ABR: variants seen among roughly 807,000 people sequenced by gnomAD.
The protein encoded by ABR is active breakpoint cluster region-related protein.
ABR carries 35 observed loss-of-function variants against 107.2 expected under a neutral mutation model. The observed-to-expected ratio is 0.33, with a 90% CI of 0.25 to 0.43. ABR has a LOEUF of 0.43. ABR is among the 20% of genes least tolerant of loss of function. ABR has a pLI of 1.00. For synonymous variants in ABR, 498 were observed against 462.0 expected (o/e 1.08, Z -1.00); for missense variants, 815 against 1,115.2 (o/e 0.73, Z 3.83).
rs190493770 is a variant in ABR at position 1,123,463 on chromosome 17, G to A, written c.246+1720C>T. Among the ~76,000 whole-genome samples, 310 of 152,276 alleles carry A rather than the reference G, an allele frequency of 2.0e-3. 8 individuals are homozygous for A. Among genetic ancestry groups the A allele is most frequent in the Non-Finnish European group, 6.2e-4 (42 of 68,040 alleles). On this transcript the variant is annotated intron_variant, in intron 2 of 22. Coordinates refer to ENST00000302538, the MANE Select transcript of ABR (RefSeq NM_021962.5). ...CCAGGCGGGGGCATCTGTGCGTGAC[G>A]CCCGTGATCTGTCTCCCGAGAGAAG...
At chr17:1,044,345 A>G (rs1259059663) in intron 16 of ABR, among the ~76,000 whole-genome samples, 1 of 152,144 alleles carries the variant, frequency 6.6e-6, no homozygotes, top group Non-Finnish European at 1.5e-5. Context: ...GATTGGATTA[A>G]ACGCCCTCTA....
intron 2 of ABR, 130 bp downstream of exon 2, chr17:1,125,053 C>A: frequency 1.1e-6 from 1 of 942,046 alleles, no homozygotes. Flanking sequence ...GACGAGGCAC[C>A]AAGAACGGCC....
In ABR at chr17:1,086,006, C is replaced by T. The variant is rs142466620; in HGVS notation, c.532-2379G>A. Among the ~76,000 whole-genome samples the T allele has an allele frequency of 3.0e-3, 452 of 152,106 alleles. 3 individuals carry two copies. The highest frequency in any genetic ancestry group is 9.6e-3 in the African/African-American group (399 of 41,484). On this transcript the variant is annotated intron_variant, in intron 4 of 22. Coordinates refer to ENST00000302538, the MANE Select transcript of ABR (RefSeq NM_021962.5). ...CACTAAAGATACAAAATTATCCGGGCGTGGTGGCACGCATCTGTAGTCCCA... is the reference window on the plus strand; with the variant it reads ...CACTAAAGATACAAAATTATCCGGGTGTGGTGGCACGCATCTGTAGTCCCA...
chr17:1,017,128 C>T (rs62068327), intron 16 of ABR, among the ~76,000 whole-genome samples: 11,608 of 152,094 alleles, frequency 0.076, 578 homozygotes, highest in Middle Eastern at 0.16. Context: ...CAGGGAGAAC[C>T]ACTGCTCCGG....
In ABR at chr17:1,011,778, C is replaced by G. The variant is rs576104021; in HGVS notation, c.2101+68G>C. The G allele has an allele frequency of 1.6e-3, 2,365 of 1,508,176 alleles. 2 individuals carry two copies. Among genetic ancestry groups the G allele is most frequent in the Non-Finnish European group, 1.9e-3 (2,191 of 1,125,598 alleles). 93.4% of individuals were successfully genotyped at this position (1,508,176 alleles called of 1,614,324 possible). ...GGGAGGCTCCTGGTTCCCCCGAGCT[C>G]TCCTGTCCATCCCACCAGCCTGCTC... is the stretch of plus-strand genomic sequence containing the variant. On this transcript the variant is annotated intron_variant, in intron 19 of 22. Coordinates refer to ENST00000302538, the MANE Select transcript of ABR (RefSeq NM_021962.5). The surrounding 1 kb of genome is among the most constrained non-coding windows in gnomAD (Gnocchi z 4.8).
intron 16 of ABR, among the ~76,000 whole-genome samples, chr17:1,049,123 T>C (rs2032123501): frequency 6.6e-6 from 1 of 152,142 alleles, no homozygotes; most frequent in African/African-American, 2.4e-5. Flanking sequence ...CAGAGGCCTT[T>C]TCCCTATATA....
chr17:1,068,385 G>A (rs62067872), intron 9 of ABR, among the ~76,000 whole-genome samples: 5 of 152,236 alleles, frequency 3.3e-5, no homozygotes, highest in Non-Finnish European at 5.9e-5. Context: ...AGGGCTGAAG[G>A]GAGAGGTAGG....
At chr17:1,124,086 G>A (rs567699957) in intron 2 of ABR, among the ~76,000 whole-genome samples, 19 of 152,272 alleles carry the variant, frequency 1.2e-4, no homozygotes, top group East Asian at 7.7e-4. Context: ...TGGGAAGCCC[G>A]TTGCCAAGGC....
At chr17:1,185,635 A>G (rs1222950935) in intron 1 of ABR, among the ~76,000 whole-genome samples, 1 of 138,972 alleles carries the variant, frequency 7.2e-6, no homozygotes, top group Non-Finnish European at 1.5e-5. Context: ...ACAGAGTGAG[A>G]CTCCGTCTCA....
chr17:1,229,690 G>A (rs2043301012), exon 1 of ABR, among the ~76,000 whole-genome samples: 1 of 152,038 alleles, frequency 6.6e-6, no homozygotes, highest in Admixed American at 6.5e-5. Context: ...CAGAGGGAAA[G>A]TCAAGTGTCC....
intron 16 of ABR, chr17:1,031,592 G>C (rs11656924): frequency 2.0e-6 from 2 of 987,128 alleles, no homozygotes; most frequent in Admixed American, 5.5e-5. Context: ...CAGCCCCCGC[G>C]GGCACCTTGT....
chr17:1,206,183 T>A (rs1598125224), intron 1 of ABR, among the ~76,000 whole-genome samples: 1 of 152,000 alleles, frequency 6.6e-6, no homozygotes, highest in African/African-American at 2.4e-5. Flanking sequence ...GCCAGAGAGG[T>A]TGAGGCTGCA....
Position 1,026,626 on chromosome 17 carries a change from G to A in ABR, c.1792-13462C>T, listed in dbSNP as rs570926112. 6.6e-5 allele frequency among the ~76,000 whole-genome samples: 10 copies of A among 152,264 alleles called. No individual in the cohort carries two copies. The South Asian group carries it at 1.9e-3, about 28-fold the overall frequency. ...CCATCCTGGAGGGCCAAGGGTCTAC[G>A]GCTCACTGGACCCAGGACTGACGCT... On this transcript the variant is annotated intron_variant, in intron 16 of 22. Coordinates refer to ENST00000302538, the MANE Select transcript of ABR (RefSeq NM_021962.5).
At chr17:1,021,449 G>C (rs550845476) in intron 16 of ABR, among the ~76,000 whole-genome samples, 2 of 152,362 alleles carry the variant, frequency 1.3e-5, no homozygotes, top group African/African-American at 4.8e-5. Context: ...CACCCTCTGA[G>C]CCCCGGCATC....
At chr17:1,061,330 G>A (rs1034596002) in intron 10 of ABR, among the ~76,000 whole-genome samples, 13 of 152,190 alleles carry the variant, frequency 8.5e-5, no homozygotes, top group African/African-American at 2.4e-4. Context: ...GGGCCCAGCC[G>A]TTCAGGAGGG....
intron 3 of ABR, among the ~76,000 whole-genome samples, chr17:1,100,050 C>T (rs1018069404): frequency 6.6e-6 from 1 of 151,344 alleles, no homozygotes; most frequent in African/African-American, 2.4e-5. Context: ...CACTTGAACC[C>T]GGGAGGCAGA....
In ABR at chr17:1,034,802, G is replaced by A. The variant is rs1025311701; in HGVS notation, c.1791+15248C>T. 1.1e-4 allele frequency among the ~76,000 whole-genome samples: 16 copies of A among 152,162 alleles called. 1 individual carries two copies. Among genetic ancestry groups the A allele is most frequent in the African/African-American group, 2.9e-4 (12 of 41,488 alleles). On this transcript the variant is annotated intron_variant, in intron 16 of 22. Transcript: ENST00000302538. Reference sequence around the variant, plus strand: ...ACTGGCCTATGGTCCCCTTCCCTCGGGCTGGGTCCCAGGCCACAGGGTGCA... The same window carrying A: ...ACTGGCCTATGGTCCCCTTCCCTCGAGCTGGGTCCCAGGCCACAGGGTGCA...
At chr17:1,073,527 G>A (rs946262168) in intron 7 of ABR, 98 bp downstream of exon 7, 9 of 990,484 alleles carry the variant, frequency 9.1e-6, no homozygotes, top group Non-Finnish European at 1.2e-5. Context: ...GATTCCCCAG[G>A]TGGACTGTTC....
intron 10 of ABR, among the ~76,000 whole-genome samples, chr17:1,063,730 T>C (rs1441101900): frequency 1.3e-5 from 2 of 149,928 alleles, no homozygotes; most frequent in Non-Finnish European, 3.0e-5. Context: ...CCAGACACTG[T>C]TGTTATGTGA....
Sources: gnomAD v4.1 joint callset for allele counts (sites outside exome capture counted in the v4.1 genomes callset) on GRCh38, gnomAD v4.1.1 for gene constraint, Gnocchi (gnomAD v3.1) non-coding constraint, MANE v1.5 for transcripts, NCBI Gene and HGNC (gene_info 2026-07-23, HGNC 2026-07-21) for gene names.